SHANK2: variants seen among roughly 807,000 people sequenced by gnomAD.
SHANK2 encodes the protein SH3 and multiple ankyrin repeat domains protein 2.
SHANK2 carries 43 observed loss-of-function variants against 133.7 expected under a neutral mutation model. The observed-to-expected ratio is 0.32, with a 90% CI of 0.25 to 0.41. SHANK2 has a LOEUF of 0.41. Among genes scored for constraint, SHANK2 ranks in the 10% least tolerant of loss-of-function variants. SHANK2 has a pLI of 1.00. For missense variants in SHANK2, 1,994 were observed against 2,235.8 expected (o/e 0.89, Z 2.18); for synonymous variants, 1,017 against 952.8 (o/e 1.07, Z -1.24).
intron 3 of SHANK2, among the ~76,000 whole-genome samples, chr11:71,135,401 T>C (rs371416619): frequency 6.6e-6 from 1 of 151,684 alleles, no homozygotes; most frequent in African/African-American, 2.4e-5. Context: ...GGAGAAGCCA[T>C]GGAGCCATGG....
intron 17 of SHANK2, among the ~76,000 whole-genome samples, chr11:70,505,539 G>A (rs960599377): frequency 2.0e-4 from 30 of 151,982 alleles, no homozygotes; most frequent in African/African-American, 6.0e-4. Flanking sequence ...GGGAGGACTC[G>A]GCCCCACCTT....
intron 2 of SHANK2, among the ~76,000 whole-genome samples, chr11:71,209,118 T>A (rs1413030705): frequency 6.6e-6 from 1 of 152,166 alleles, no homozygotes; most frequent in Non-Finnish European, 1.5e-5. Context: ...AGGCCCTGGC[T>A]CTGCTCATTT....
At chr11:71,120,033 G>A (rs1194572678) in intron 3 of SHANK2, among the ~76,000 whole-genome samples, 1 of 152,112 alleles carries the variant, frequency 6.6e-6, no homozygotes, top group East Asian at 1.9e-4. Flanking sequence ...AAGCAATTAC[G>A]GAAAAACGAT....
intron 6 of SHANK2, among the ~76,000 whole-genome samples, chr11:71,103,715 T>TG (rs1244742915): frequency 6.6e-6 from 1 of 152,098 alleles, no homozygotes; most frequent in Non-Finnish European, 1.5e-5. Context: ...GACTGGATCA[T>TG]GGGGGCAGAT....
chr11:71,224,018 A>C (rs1033070260), intron 2 of SHANK2, among the ~76,000 whole-genome samples: 2 of 152,252 alleles, frequency 1.3e-5, no homozygotes, highest in African/African-American at 4.8e-5. Flanking sequence ...GCAGGAGCCC[A>C]GTGTGTGGTC....
intron 10 of SHANK2, among the ~76,000 whole-genome samples, chr11:70,930,600 G>A (rs568097764): frequency 8.4e-4 from 127 of 151,730 alleles, no homozygotes; most frequent in African/African-American, 2.9e-3. Flanking sequence ...AGAGGTCATT[G>A]GTCTCAGAGG....
In SHANK2 at chr11:71,088,677, G is replaced by A. The variant is rs1951452222; in HGVS notation, c.912+3745C>T. ...TGTTTGCTGGTAGAAATGTCTCGTG[G>A]GTGACTGCACCACCCCACCAGGGGC... On this transcript the variant is annotated intron_variant, in intron 8 of 25. Transcript: ENST00000601538. 4.8e-5 allele frequency among the ~76,000 whole-genome samples: 7 copies of A among 145,512 alleles called. No individual in the cohort carries two copies. In the South Asian group the frequency reaches 1.5e-3, roughly 31 times the overall value.
chr11:70,918,196 C>T (rs1364872423), intron 10 of SHANK2, among the ~76,000 whole-genome samples: 1 of 152,146 alleles, frequency 6.6e-6, no homozygotes, highest in Non-Finnish European at 1.5e-5. Flanking sequence ...ATTCATCTCC[C>T]AAAGGCAGAA....
At chr11:70,841,099 C>T (rs1329307704) in intron 11 of SHANK2, among the ~76,000 whole-genome samples, 7 of 151,964 alleles carry the variant, frequency 4.6e-5, no homozygotes, top group African/African-American at 1.7e-4. Context: ...CCTGTCTCTA[C>T]CAAAAATACA....
chr11:71,094,349 A>G (rs1486000685), intron 7 of SHANK2, among the ~76,000 whole-genome samples, 188 bp downstream of exon 7: 1 of 152,052 alleles, frequency 6.6e-6, no homozygotes, highest in African/African-American at 2.4e-5. Flanking sequence ...CAACCAGGAG[A>G]GAGAACAGGA....
chr11:70,876,460 T>C (rs1949566668), intron 11 of SHANK2, among the ~76,000 whole-genome samples: 1 of 150,892 alleles, frequency 6.6e-6, no homozygotes, highest in Non-Finnish European at 1.5e-5. Flanking sequence ...CTCGGGAGGC[T>C]GAGGCAGGAA....
At chr11:71,164,802 A>G (rs1339649351) in intron 2 of SHANK2, among the ~76,000 whole-genome samples, 1 of 152,078 alleles carries the variant, frequency 6.6e-6, no homozygotes, top group Non-Finnish European at 1.5e-5. Context: ...TCAGGCATCT[A>G]TCTGTTGGGG....
intron 10 of SHANK2, among the ~76,000 whole-genome samples, chr11:70,904,748 T>C (rs895935207): frequency 2.0e-5 from 3 of 152,138 alleles, no homozygotes; most frequent in Non-Finnish European, 2.9e-5. Flanking sequence ...CCTCAAGTAA[T>C]CTGCCCACGT....
rs1565496269 is a variant in SHANK2 at position 71,175,550 on chromosome 11, GGGAGAGAGAGA to G, written c.-12-28223_-12-28213del. On this transcript the variant is annotated intron_variant, in intron 2 of 25. Transcript: ENST00000601538. The surrounding 1 kb of genome is among the most constrained non-coding windows in gnomAD (Gnocchi z 4.2). Reference sequence around the variant, plus strand: ...ACAGACAGACAGAGGGAGAGGGAGAGGGAGAGAGAGAGAGAGAGAGAGAGAGAGAGAGAGAG... The same window carrying G: ...ACAGACAGACAGAGGGAGAGGGAGAGGAGAGAGAGAGAGAGAGAGAGAGAG... Among the ~76,000 whole-genome samples, 40 of 15,132 alleles carry G rather than the reference GGGAGAGAGAGA, an allele frequency of 2.6e-3. No individual in the cohort carries two copies. Among genetic ancestry groups the G allele is most frequent in the Non-Finnish European group, 5.1e-3 (25 of 4,894 alleles). The allele number at this position is 15,132 out of a possible 152,430, so 9.9% of individuals were successfully genotyped here. A position where few individuals can be genotyped will look rare whatever the true frequency, so the allele number is the denominator to read the frequency against.
intron 2 of SHANK2, among the ~76,000 whole-genome samples, chr11:71,189,453 G>A (rs1443944966): frequency 1.3e-5 from 2 of 152,154 alleles, no homozygotes; most frequent in East Asian, 1.9e-4. Context: ...CTGGAGTGCA[G>A]TAACACAATC....
At chr11:70,756,659 C>T (rs995855076) in intron 14 of SHANK2, among the ~76,000 whole-genome samples, 11 of 152,152 alleles carry the variant, frequency 7.2e-5, no homozygotes, top group African/African-American at 2.4e-4. Flanking sequence ...CAGGGGAAGA[C>T]GGGGAGGCTT....
At chr11:71,070,818 C>T (rs1236875127) in intron 9 of SHANK2, among the ~76,000 whole-genome samples, 1 of 152,256 alleles carries the variant, frequency 6.6e-6, no homozygotes, top group African/African-American at 2.4e-5. Flanking sequence ...ACCCAACTGG[C>T]TCTTTATAGC....
chr11:70,494,902 C>T (rs75796550), intron 21 of SHANK2, among the ~76,000 whole-genome samples: 2,318 of 152,324 alleles, frequency 0.015, 51 homozygotes, highest in African/African-American at 0.053. Context: ...CCTGCTCATG[C>T]ATTCTCTCCT....
chr11:71,145,921 G>C (rs1555106622), intron 3 of SHANK2, among the ~76,000 whole-genome samples: 2 of 152,114 alleles, frequency 1.3e-5, no homozygotes, highest in Admixed American at 6.5e-5. Context: ...AAATGAGAAG[G>C]GTCCTCCCAG....
Sources: allele counts gnomAD v4.1 joint callset (sites outside exome capture counted in the v4.1 genomes callset), GRCh38; gene constraint gnomAD v4.1.1; non-coding constraint Gnocchi (gnomAD v3.1); transcripts MANE v1.5; gene names NCBI Gene and HGNC (gene_info 2026-07-23, HGNC 2026-07-21).